POMK: variants seen among roughly 807,000 people sequenced by gnomAD.
POMK encodes Sugen kinase 196.
POMK carries 19 observed loss-of-function variants against 23.0 expected under a neutral mutation model. That is an observed-to-expected ratio of 0.83 (90% CI 0.58 to 1.21). POMK has a LOEUF of 1.21. Ranked by LOEUF, POMK falls within the 50% of genes most tolerant of loss-of-function variation. POMK has a pLI of 0.00. For synonymous variants in POMK, 173 were observed against 171.6 expected, an observed-to-expected ratio of 1.01 and a Z score of -0.06; for missense variants, 410 against 431.3, an observed-to-expected ratio of 0.95 and a Z score of 0.44.
At position 43,110,826 on chromosome 8, in the gene POMK, A is replaced by AT. The variant is rs1245068257; in HGVS notation, c.282+6998dup. Among the ~76,000 whole-genome samples, 3 of 152,128 alleles carry AT rather than the reference A, an allele frequency of 2.0e-5. No homozygotes were observed. In the East Asian group the frequency reaches 5.8e-4, roughly 29 times the overall value. On this transcript the variant is annotated intron_variant, in intron 4 of 4. Coordinates refer to ENST00000331373, the MANE Select transcript of POMK (RefSeq NM_032237.5). ...CTACTCGGGAGGCTGAGGCAGGAGA[A>AT]TTGCTTGAAGCTGAAGCCGGGAGGC...
rs780546898 is a variant in POMK, at chr8:43,103,689, A to G, written c.141A>G (p.Gln47=). 6.2e-6 allele frequency: 10 copies of G among 1,614,112 alleles called. No individual in the cohort carries two copies. Among genetic ancestry groups the G allele is most frequent in the African/African-American group, 1.3e-5 (1 of 75,018 alleles). ...CLDHFFIAPR[Q]STVDPTHCPY... ...ACCACTTCTTCATCGCTCCTCGACA[A>G]TCCACTGTGGACCCCACACACTGTC... Residue 47 remains glutamine, a synonymous_variant, in exon 4 of 5, where the codon CAA becomes CAG. Coordinates refer to ENST00000331373, the MANE Select transcript of POMK (RefSeq NM_032237.5).
rs371989834 is a variant in POMK at position 43,099,785 on chromosome 8, C to T, written c.-118+2170C>T. On this transcript the variant is annotated intron_variant, in intron 2 of 4. Transcript: ENST00000331373. The stretch of plus-strand genomic sequence containing the variant: ...CACTGTTTGTAGTAATAGGAGAGTG[C>T]AGGAACCTGGGGTGGGGCTTGGGAA... Among the ~76,000 whole-genome samples, 22 of 152,228 alleles carry T rather than the reference C, an allele frequency of 1.4e-4. 2 individuals carry two copies. The highest frequency in any genetic ancestry group is 1.2e-3 in the East Asian group (6 of 5,172).
intron 4 of POMK, among the ~76,000 whole-genome samples, chr8:43,111,739 C>G (rs982083351): frequency 6.6e-6 from 1 of 152,194 alleles, no homozygotes; most frequent in Non-Finnish European, 1.5e-5. Flanking sequence ...GAGGAACGAT[C>G]GGGCAGCAGC....
In POMK at chr8:43,115,680, A is replaced by G. The variant is rs147078645; in HGVS notation, c.283-6427A>G. Among the ~76,000 whole-genome samples, 382 of 152,116 alleles carry G rather than the reference A, an allele frequency of 2.5e-3. 2 individuals are homozygous for G. Among genetic ancestry groups the G allele is most frequent in the South Asian group, 0.011 (53 of 4,812 alleles). On this transcript the variant is annotated intron_variant, in intron 4 of 4. Transcript: ENST00000331373. ...TCTTTCTGCTTCACACTTGCTCCCT[A>G]CCTCTTCAGTCTATTCTGAACACAG...
intron 4 of POMK, among the ~76,000 whole-genome samples, chr8:43,113,245 C>T (rs1396569336): frequency 6.6e-6 from 1 of 152,230 alleles, no homozygotes; most frequent in Non-Finnish European, 1.5e-5. Context: ...CTTTCAGGTA[C>T]ACCAATCAGA....
rs546931054 is a variant in POMK, at chr8:43,122,803, G to C, written c.979G>C (p.Val327Leu). 1 of 1,614,000 alleles carries C rather than the reference G, an allele frequency of 6.2e-7. No homozygotes were observed. The highest frequency in any genetic ancestry group is 8.5e-7 in the Non-Finnish European group (1 of 1,179,914). Reference protein sequence around the residue: ...TPSERPTAQDVLETYQKVLDT... With the variant: ...TPSERPTAQDLLETYQKVLDT... ...CTCAGAAAGACCCACTGCCCAGGAC[G>C]TTCTGGAGACCTACCAGAAGGTCTT... Residue 327 changes from valine to leucine, a missense_variant, in exon 5 of 5, where the codon GTT (valine) becomes CTT (leucine). Val to Leu is a conservative substitution (Grantham distance 32, BLOSUM62 1). Coordinates refer to ENST00000331373, the MANE Select transcript of POMK (RefSeq NM_032237.5).
At chr8:43,111,756 G>A (rs1039855488) in intron 4 of POMK, among the ~76,000 whole-genome samples, 7 of 152,190 alleles carry the variant, frequency 4.6e-5, no homozygotes, top group Admixed American at 6.5e-5. Flanking sequence ...CAGCATTTGC[G>A]GTTCACCAAT....
intron 4 of POMK, among the ~76,000 whole-genome samples, chr8:43,111,144 G>C (rs1355710095): frequency 1.3e-5 from 2 of 152,178 alleles, no homozygotes; most frequent in Non-Finnish European, 2.9e-5. Context: ...CCCGGGAAGC[G>C]TAAGGAGTCA....
At chr8:43,100,495 G>A (rs1421502011) in intron 2 of POMK, among the ~76,000 whole-genome samples, 1 of 151,896 alleles carries the variant, frequency 6.6e-6, no homozygotes, top group African/African-American at 2.4e-5. Context: ...ATGGGGGTGT[G>A]TATGGTGTTA....
At chr8:43,111,918 C>T (rs1030893328) in intron 4 of POMK, among the ~76,000 whole-genome samples, 4 of 152,164 alleles carry the variant, frequency 2.6e-5, no homozygotes, top group Non-Finnish European at 2.9e-5. Flanking sequence ...CCCATCTGTA[C>T]GTCACCATCA....
intron 1 of POMK, among the ~76,000 whole-genome samples, chr8:43,097,160 G>C (rs879279168): frequency 6.6e-6 from 1 of 152,200 alleles, no homozygotes; most frequent in African/African-American, 2.4e-5. Flanking sequence ...TACACCAGTG[G>C]TTTTCAGACT....
rs1811957855 is a variant in POMK at position 43,123,067 on chromosome 8, T to C, written c.*190T>C. The C allele has an allele frequency of 1.7e-6, 1 of 585,466 alleles. No individual in the cohort carries two copies. 36.3% of individuals were successfully genotyped at this position (585,466 alleles called of 1,614,324 possible). A position where few individuals can be genotyped will look rare whatever the true frequency, so the allele number is the denominator to read the frequency against. Reference sequence around the variant, plus strand: ...CACATTGGTTGTTAGATTTTTTTTTTTTTCTTTGAGATGCGGTCTTGCTCT... The same window carrying C: ...CACATTGGTTGTTAGATTTTTTTTTCTTTCTTTGAGATGCGGTCTTGCTCT... On this transcript the variant is annotated 3_prime_UTR_variant, in exon 5 of 5. Coordinates refer to ENST00000331373, the MANE Select transcript of POMK (RefSeq NM_032237.5).
chr8:43,097,500 T>C (rs1811358026), intron 1 of POMK, 24 bp from the exon 2 acceptor site: 1 of 152,112 alleles, frequency 6.6e-6, no homozygotes, highest in African/African-American at 2.4e-5. Flanking sequence ...ATTTTTTTTT[T>C]CTCTGTGTGT....
At chr8:43,094,478 G>C (rs1210170565) in intron 1 of POMK, among the ~76,000 whole-genome samples, 1 of 152,212 alleles carries the variant, frequency 6.6e-6, no homozygotes, top group African/African-American at 2.4e-5. Flanking sequence ...GTTGCCAGGA[G>C]GTGTTAAGTG....
intron 4 of POMK, among the ~76,000 whole-genome samples, chr8:43,113,464 G>C (rs879830572): frequency 4.6e-5 from 7 of 152,114 alleles, no homozygotes; most frequent in African/African-American, 1.2e-4. Context: ...AGCTCCATCA[G>C]CTCCTTTAAG....
chr8:43,116,686 C>T (rs973097601), intron 4 of POMK, among the ~76,000 whole-genome samples: 3 of 152,182 alleles, frequency 2.0e-5, no homozygotes, highest in East Asian at 1.9e-4. Flanking sequence ...AAGAAATCTG[C>T]TTATACTGTT....
chr8:43,099,328 A>C (rs918775525), intron 2 of POMK, among the ~76,000 whole-genome samples: 2 of 152,184 alleles, frequency 1.3e-5, no homozygotes, highest in Non-Finnish European at 2.9e-5. Context: ...GGAGATGTCA[A>C]GGAAGCAAGC....
At chr8:43,111,096 A>G (rs953990412) in intron 4 of POMK, among the ~76,000 whole-genome samples, 1 of 152,184 alleles carries the variant, frequency 6.6e-6, no homozygotes, top group African/African-American at 2.4e-5. Context: ...GGTGCAGCAC[A>G]CCATGCGTGA....
chr8:43,104,522 T>G, intron 4 of POMK, among the ~76,000 whole-genome samples: 1 of 152,242 alleles, frequency 6.6e-6, no homozygotes, highest in East Asian at 1.9e-4. Flanking sequence ...CGGAATATTC[T>G]GCAACTGTTG....
Sources: allele counts gnomAD v4.1 joint callset (sites outside exome capture counted in the v4.1 genomes callset), GRCh38; gene constraint gnomAD v4.1.1; transcripts MANE v1.5; gene names NCBI Gene and HGNC (gene_info 2026-07-23, HGNC 2026-07-21).